FLVCR2: variants seen among roughly 807,000 people sequenced by gnomAD.
FLVCR2 encodes FLVCR choline and putative heme transporter 2, also known as choline/ethanolamine transporter FLVCR2.
Under a neutral mutation model 48.9 loss-of-function variants are expected in FLVCR2, and 38 were observed. The observed-to-expected ratio is 0.78, with a 90% confidence interval of 0.60 to 1.02. The LOEUF is 1.02. FLVCR2 is among the 50% of genes least tolerant of loss of function. The probability of loss-of-function intolerance (pLI) is 0.00; values close to 1 mark genes in which losing one functional copy is unlikely to be tolerated. For synonymous variants in FLVCR2, 255 were observed against 257.0 expected (o/e 0.99, Z 0.07); for missense variants, 664 against 663.3 (o/e 1.00, Z -0.01).
chr14:75,611,360 A>G (rs1310179877), intron 1 of FLVCR2, among the ~76,000 whole-genome samples: 1 of 152,160 alleles, frequency 6.6e-6, no homozygotes, highest in Non-Finnish European at 1.5e-5. Flanking sequence ...GGAATCAGAT[A>G]GCCAAGGGTA....
At chr14:75,627,878 G>T (rs1462990436) in intron 3 of FLVCR2, among the ~76,000 whole-genome samples, 1 of 152,152 alleles carries the variant, frequency 6.6e-6, no homozygotes, top group East Asian at 1.9e-4. Flanking sequence ...CTTAATCACA[G>T]ATTTGAAAAA....
At chr14:75,614,312 G>A (rs2140030084) in intron 1 of FLVCR2, among the ~76,000 whole-genome samples, 1 of 152,334 alleles carries the variant, frequency 6.6e-6, no homozygotes, top group South Asian at 2.1e-4. Context: ...AATGTGCAGT[G>A]GCAATGGTGC....
At chr14:75,632,818 C>T (rs1890077992) in intron 3 of FLVCR2, 2 of 702,026 alleles carry the variant, frequency 2.8e-6, no homozygotes, top group South Asian at 1.5e-5. Flanking sequence ...TCTTTATTAT[C>T]TCTAAAATGG....
intron 3 of FLVCR2, among the ~76,000 whole-genome samples, chr14:75,632,081 T>G (rs1890056913): frequency 6.6e-6 from 1 of 152,150 alleles, no homozygotes; most frequent in Non-Finnish European, 1.5e-5. Flanking sequence ...ATGAGGAAAT[T>G]GTTCATGACC....
intron 1 of FLVCR2, among the ~76,000 whole-genome samples, chr14:75,592,384 A>G (rs985027005): frequency 3.9e-5 from 6 of 152,072 alleles, no homozygotes; most frequent in African/African-American, 1.4e-4. Context: ...CTGTCCTCCT[A>G]GGCCTCTGGG....
intron 1 of FLVCR2, among the ~76,000 whole-genome samples, chr14:75,599,494 G>T (rs1363056023): frequency 6.6e-6 from 1 of 152,194 alleles, no homozygotes; most frequent in African/African-American, 2.4e-5. Context: ...TGTGTTTACG[G>T]ATTGGAAGAC....
At chr14:75,597,107 C>G (rs1039051162) in intron 1 of FLVCR2, among the ~76,000 whole-genome samples, 5 of 151,584 alleles carry the variant, frequency 3.3e-5, no homozygotes, top group African/African-American at 1.2e-4. Flanking sequence ...CATAGTGAGA[C>G]CCTGTCTCCA....
At chr14:75,630,092 T>A (rs1309080042) in intron 3 of FLVCR2, among the ~76,000 whole-genome samples, 1 of 152,084 alleles carries the variant, frequency 6.6e-6, no homozygotes, top group African/African-American at 2.4e-5. Flanking sequence ...TGATCTGGGG[T>A]CAGTGTTTCC....
At chr14:75,621,408 AAAAAAAAAAAGAAAAAG>A (rs1889761833) in intron 1 of FLVCR2, among the ~76,000 whole-genome samples, 1 of 151,310 alleles carries the variant, frequency 6.6e-6, no homozygotes, top group Non-Finnish European at 1.5e-5. Flanking sequence ...CTCCATTTAA[AAAAAAAAAAAGAAAAAG>A]AAAAAAAAAA....
intron 8 of FLVCR2, among the ~76,000 whole-genome samples, chr14:75,641,635 C>T (rs1448424091): frequency 6.6e-6 from 1 of 152,190 alleles, no homozygotes; most frequent in Non-Finnish European, 1.5e-5. Flanking sequence ...GTGAAGGCCA[C>T]TGTCATTGTT....
chr14:75,583,526 G>T (rs189002093), intron 1 of FLVCR2, among the ~76,000 whole-genome samples: 1 of 152,250 alleles, frequency 6.6e-6, no homozygotes, highest in Non-Finnish European at 1.5e-5. Context: ...GTGGGTTAAG[G>T]TGGGGGGATA....
chr14:75,605,341 C>T, intron 1 of FLVCR2: 2 of 854,552 alleles, frequency 2.3e-6, no homozygotes, highest in Admixed American at 6.2e-5. Context: ...TAGCACCATT[C>T]CCAAGTTAAC....
chr14:75,629,775 A>C (rs1378702310), intron 3 of FLVCR2, among the ~76,000 whole-genome samples: 5 of 152,256 alleles, frequency 3.3e-5, no homozygotes, highest in Non-Finnish European at 1.5e-5. Flanking sequence ...TACTTTTCCC[A>C]TAGTTATGCC....
chr14:75,584,457 C>T lies in FLVCR2; in HGVS notation c.669+4816C>T, dbSNP rs371961458. On this transcript the variant is annotated intron_variant, in intron 1 of 9. Coordinates refer to ENST00000238667, the MANE Select transcript of FLVCR2 (RefSeq NM_017791.3). Reference sequence around the variant, plus strand: ...CCCCTCTGGGTCTAGGGCGGTAAAGCGTCTAAGGGTTGCTGCCAAGCGGGC... The same window carrying T: ...CCCCTCTGGGTCTAGGGCGGTAAAGTGTCTAAGGGTTGCTGCCAAGCGGGC... 3.8e-4 allele frequency among the ~76,000 whole-genome samples: 58 copies of T among 152,264 alleles called. No homozygotes were observed. The East Asian group carries it at 8.1e-3, about 21-fold the overall frequency.
At chr14:75,631,157 A>T (rs150179380) in intron 3 of FLVCR2, among the ~76,000 whole-genome samples, 1 of 152,226 alleles carries the variant, frequency 6.6e-6, no homozygotes, top group Admixed American at 6.5e-5. Context: ...ACAGATTGGC[A>T]GCCCTCCAGG....
intron 1 of FLVCR2, among the ~76,000 whole-genome samples, chr14:75,582,486 G>A (rs1456647292): frequency 6.6e-6 from 1 of 152,206 alleles, no homozygotes; most frequent in East Asian, 1.9e-4. Flanking sequence ...AGAGTGAGTT[G>A]AGCATAGTTT....
In FLVCR2 at chr14:75,579,439, C is replaced by A. The variant is rs1248168914; in HGVS notation, c.467C>A (p.Thr156Asn). Residue 156 changes from threonine (T) to asparagine (N), a missense_variant, in exon 1 of 10, where the codon ACT becomes AAT. Transcript: ENST00000238667. ...TTCGGCCTGCGCACCATTGCTCTCA[C>A]TGGCTCGGCTCTCAACTGCCTGGGG... Reference protein sequence around the residue: ...EKFGLRTIALTGSALNCLGAW... With the variant: ...EKFGLRTIALNGSALNCLGAW... 6.2e-7 allele frequency: 1 copy of A among 1,613,906 alleles called. No homozygotes were observed.
chr14:75,585,383 G>C (rs117898148), intron 1 of FLVCR2, among the ~76,000 whole-genome samples: 369 of 152,260 alleles, frequency 2.4e-3, no homozygotes, highest in Non-Finnish European at 4.5e-3. Flanking sequence ...GTTTGTATTG[G>C]GGCCAAGCGG....
intron 1 of FLVCR2, among the ~76,000 whole-genome samples, chr14:75,585,555 A>C (rs1488460405): frequency 6.6e-6 from 1 of 152,018 alleles, no homozygotes; most frequent in African/African-American, 2.4e-5. Flanking sequence ...GACACAGAGA[A>C]GGGGGTGGGG....
Sources: allele counts gnomAD v4.1 joint callset (sites outside exome capture counted in the v4.1 genomes callset), GRCh38; gene constraint gnomAD v4.1.1; transcripts MANE v1.5; gene names NCBI Gene and HGNC (gene_info 2026-07-23, HGNC 2026-07-21).